FAM162A: variants seen among roughly 807,000 people sequenced by gnomAD.
The protein encoded by FAM162A is protein FAM162A.
Under a neutral mutation model 21.8 loss-of-function variants are expected in FAM162A, and 23 were observed. The ratio of observed to expected loss-of-function variants is 1.05; its 90% CI spans 0.76 to 1.49. FAM162A has a LOEUF of 1.49. FAM162A is among the 40% of genes most tolerant of loss of function. The probability of loss-of-function intolerance (pLI) is 0.00; values close to 1 mark genes in which losing one functional copy is unlikely to be tolerated. For missense variants in FAM162A, 165 were observed against 186.4 expected, an observed-to-expected ratio of 0.89 and a Z score of 0.67; for synonymous variants, 53 against 61.3, an observed-to-expected ratio of 0.86 and a Z score of 0.64.
Position 122,410,606 on chromosome 3 carries a change from T to C in FAM162A, c.*775T>C, listed in dbSNP as rs995228401. Reference sequence around the variant, plus strand: ...CCTTGGGATATCGAGTTGTCTCATATTTAGGTATGAATACAGGTTTCTATT... The same window carrying C: ...CCTTGGGATATCGAGTTGTCTCATACTTAGGTATGAATACAGGTTTCTATT... On this transcript the variant is annotated 3_prime_UTR_variant, in exon 5 of 5. Transcript: ENST00000477892. The C allele has an allele frequency of 6.6e-6, 1 of 152,260 alleles. No individual in the cohort carries two copies. The highest frequency in any genetic ancestry group is 1.5e-5 in the Non-Finnish European group (1 of 68,070). 9.4% of individuals were successfully genotyped at this position (152,260 alleles called of 1,614,324 possible). A position where few individuals can be genotyped will look rare whatever the true frequency, so the allele number is the denominator to read the frequency against.
chr3:122,397,367 T>G (rs1180578455), intron 1 of FAM162A, among the ~76,000 whole-genome samples: 1 of 152,222 alleles, frequency 6.6e-6, no homozygotes, highest in African/African-American at 2.4e-5. Context: ...AGTTTGGAAC[T>G]TCCAAGGCAC....
chr3:122,384,380 C>T, intron 1 of FAM162A, 81 bp downstream of exon 1: 1 of 1,480,790 alleles, frequency 6.8e-7, no homozygotes, highest in African/African-American at 1.4e-5. Flanking sequence ...CCTTCCTGGG[C>T]CCCGGAGTGG....
chr3:122,400,716 A>G (rs780541410), intron 1 of FAM162A, among the ~76,000 whole-genome samples: 1 of 152,128 alleles, frequency 6.6e-6, no homozygotes, highest in Non-Finnish European at 1.5e-5. Flanking sequence ...ATTCCCAGCT[A>G]CGTGGGAGGC....
At chr3:122,389,402 GA>G in intron 1 of FAM162A, among the ~76,000 whole-genome samples, 1 of 151,544 alleles carries the variant, frequency 6.6e-6, no homozygotes, top group African/African-American at 2.4e-5. Flanking sequence ...TAGATAGATA[GA>G]TAGATAGATA....
intron 1 of FAM162A, 93 bp downstream of exon 1, chr3:122,384,392 T>A (rs911482287): frequency 1.8e-5 from 25 of 1,424,766 alleles, no homozygotes; most frequent in Non-Finnish European, 2.2e-5. Flanking sequence ...CCGGAGTGGC[T>A]CCATTCCATG....
chr3:122,397,336 G>A (rs1576249802), intron 1 of FAM162A, among the ~76,000 whole-genome samples: 1 of 152,068 alleles, frequency 6.6e-6, no homozygotes, highest in East Asian at 1.9e-4. Context: ...AAACTCTGAG[G>A]CTGCAAGACA....
At chr3:122,403,729 C>T (rs1322266329) in intron 2 of FAM162A, among the ~76,000 whole-genome samples, 1 of 152,178 alleles carries the variant, frequency 6.6e-6, no homozygotes, top group African/African-American at 2.4e-5. Context: ...TTTGTCTTAA[C>T]CAGTCTCCAC....
chr3:122,405,599 G>A lies in FAM162A; in HGVS notation c.263+1236G>A, dbSNP rs9834534. On this transcript the variant is annotated intron_variant, in intron 3 of 4. Transcript: ENST00000477892. Reference sequence around the variant, plus strand: ...CCATGGCCTTAACAGATGCTGTATAGGCTTTGCTATAGAACACCTTCCTCA... The same window carrying A: ...CCATGGCCTTAACAGATGCTGTATAAGCTTTGCTATAGAACACCTTCCTCA... 5.7e-3 allele frequency among the ~76,000 whole-genome samples: 868 copies of A among 152,274 alleles called. 6 individuals carry two copies. Among genetic ancestry groups the A allele is most frequent in the African/African-American group, 0.02 (832 of 41,540 alleles).
intron 4 of FAM162A, among the ~76,000 whole-genome samples, chr3:122,408,869 T>C: frequency 6.6e-6 from 1 of 151,932 alleles, no homozygotes; most frequent in East Asian, 1.9e-4. Flanking sequence ...TTCTTTACCA[T>C]AAAATTGTAA....
At chr3:122,404,697 G>T (rs1469632842) in intron 3 of FAM162A, among the ~76,000 whole-genome samples, 2 of 152,164 alleles carry the variant, frequency 1.3e-5, no homozygotes, top group Non-Finnish European at 2.9e-5. Flanking sequence ...CATTGACAAT[G>T]ACTGTATTCC....
In FAM162A at chr3:122,404,366, G is replaced by A. The variant is rs1045802485; in HGVS notation, c.263+3G>A. The A allele has an allele frequency of 3.9e-6, 6 of 1,522,752 alleles. No homozygotes were observed. In the African/African-American group the frequency reaches 5.5e-5, roughly 14 times the overall value. 94.3% of individuals were successfully genotyped at this position (1,522,752 alleles called of 1,614,324 possible). ...GATGAAATCCCAGAGACTGTCTCGT[G>A]AGTGCTGAATTTAGTATTACAAGCA... On this transcript the variant is annotated splice_donor_region_variant and intron_variant, in intron 3 of 4. Coordinates refer to ENST00000477892, the MANE Select transcript of FAM162A (RefSeq NM_014367.4).
chr3:122,389,240 G>A (rs2075588235), intron 1 of FAM162A, among the ~76,000 whole-genome samples: 1 of 152,118 alleles, frequency 6.6e-6, no homozygotes, highest in African/African-American at 2.4e-5. Context: ...TTTATTAATA[G>A]TACCTGTTGA....
rs748266678 is a variant in FAM162A, at chr3:122,409,913, G to C, written c.*82G>C. ...CTGTATTAAAAAGGATGTGGTATGA[G>C]GATCCATTTCATAAAGTATGATTTG... On this transcript the variant is annotated 3_prime_UTR_variant, in exon 5 of 5. Transcript: ENST00000477892. 5.1e-6 allele frequency: 6 copies of C among 1,183,204 alleles called. No individual in the cohort carries two copies. The highest frequency in any genetic ancestry group is 7.5e-6 in the Non-Finnish European group (6 of 795,502). The allele number at this position is 1,183,204 out of a possible 1,614,324, so 73.3% of individuals were successfully genotyped here. A position where few individuals can be genotyped will look rare whatever the true frequency, so the allele number is the denominator to read the frequency against.
In FAM162A at chr3:122,387,066, T is replaced by C. The variant is rs73855772; in HGVS notation, c.34+2767T>C. Among the ~76,000 whole-genome samples, 938 of 152,348 alleles carry C rather than the reference T, an allele frequency of 6.2e-3. 7 individuals are homozygous for C. The highest frequency in any genetic ancestry group is 0.021 in the African/African-American group (878 of 41,582). On this transcript the variant is annotated intron_variant, in intron 1 of 4. Transcript: ENST00000477892. ...GTTTTTACTCAGTCCTTACCACTTA[T>C]TGGTGTTCAGTTCATAGTAGACAGG... is the stretch of plus-strand genomic sequence containing the variant.
intron 1 of FAM162A, among the ~76,000 whole-genome samples, chr3:122,388,393 A>C (rs1559998452): frequency 6.6e-6 from 1 of 152,170 alleles, no homozygotes; most frequent in Non-Finnish European, 1.5e-5. Context: ...GGTGGCACTG[A>C]GTTATAGGTT....
intron 4 of FAM162A, chr3:122,407,722 G>T: frequency 2.7e-6 from 1 of 376,168 alleles, no homozygotes; most frequent in Non-Finnish European, 4.8e-6. Context: ...CATATTTCCA[G>T]AGTGCTCTTG....
Position 122,410,156 on chromosome 3 carries a change from C to T in FAM162A, c.*325C>T, listed in dbSNP as rs1041031592. The T allele has an allele frequency of 1.7e-5, 6 of 362,116 alleles. No homozygotes were observed. In the East Asian group the frequency reaches 2.9e-4, roughly 17 times the overall value. 22.4% of individuals were successfully genotyped at this position (362,116 alleles called of 1,614,324 possible). On this transcript the variant is annotated 3_prime_UTR_variant, in exon 5 of 5. Transcript: ENST00000477892. ...ATTATCAAAGTAACCTCTCCACAGG[C>T]GAACTCATTTTGAGGAGATAAGGAA...
chr3:122,399,109 A>G (rs558226105), intron 1 of FAM162A, among the ~76,000 whole-genome samples: 23 of 151,970 alleles, frequency 1.5e-4, no homozygotes, highest in South Asian at 8.3e-4. Context: ...GTAGGCCCCA[A>G]TGTTTGTTGT....
Position 122,403,810 on chromosome 3 carries a change from C to T in FAM162A, c.158-448C>T, listed in dbSNP as rs1169371709. On this transcript the variant is annotated intron_variant, in intron 2 of 4. Coordinates refer to ENST00000477892, the MANE Select transcript of FAM162A (RefSeq NM_014367.4). ...CGACAACTCTGGTTCAGAGAATATCCGCTCACCATGGTATTACAGGCTCCC... is the reference window on the plus strand; with the variant it reads ...CGACAACTCTGGTTCAGAGAATATCTGCTCACCATGGTATTACAGGCTCCC... Among the ~76,000 whole-genome samples, 3 of 152,276 alleles carry T rather than the reference C, an allele frequency of 2.0e-5. No homozygotes were observed. In the South Asian group the frequency reaches 6.2e-4, roughly 32 times the overall value.
Sources: gnomAD v4.1 joint callset for allele counts (sites outside exome capture counted in the v4.1 genomes callset) on GRCh38, gnomAD v4.1.1 for gene constraint, MANE v1.5 for transcripts, NCBI Gene and HGNC (gene_info 2026-07-23, HGNC 2026-07-21) for gene names.